The following MACROD2 variants were observed in gnomAD, a reference collection of about 807,000 sequenced individuals.
The protein encoded by MACROD2 is mono-ADP ribosylhydrolase 2, also known as ADP-ribose glycohydrolase MACROD2.
MACROD2 carries 36 observed loss-of-function variants against 70.4 expected under a neutral mutation model. That is an observed-to-expected ratio of 0.51 (90% CI 0.39 to 0.68). The LOEUF is 0.68. MACROD2 is among the 30% of genes least tolerant of loss of function. The pLI is 0.00. For synonymous variants in MACROD2, 172 were observed against 178.8 expected, an observed-to-expected ratio of 0.96 and a Z score of 0.30; for missense variants, 496 against 538.4, an observed-to-expected ratio of 0.92 and a Z score of 0.78.
At chr20:14,642,668 C>T (rs985539638) in intron 4 of MACROD2, among the ~76,000 whole-genome samples, 1 of 152,084 alleles carries the variant, frequency 6.6e-6, no homozygotes, top group Admixed American at 6.6e-5. Context: ...TGGGCAATTG[C>T]TGGTTGGTGG....
intron 5 of MACROD2, among the ~76,000 whole-genome samples, chr20:14,794,740 C>G (rs1329023864): frequency 6.6e-6 from 1 of 152,066 alleles, no homozygotes; most frequent in Non-Finnish European, 1.5e-5. Context: ...TTACTGGGGT[C>G]TTATAAGTGC....
At chr20:14,415,440 T>A (rs2083793428) in intron 3 of MACROD2, among the ~76,000 whole-genome samples, 1 of 152,212 alleles carries the variant, frequency 6.6e-6, no homozygotes, top group African/African-American at 2.4e-5. Flanking sequence ...ACCAACACCA[T>A]GCTGGGGTGT....
chr20:15,249,379 CTTTAAGG>C (rs1316078202), intron 6 of MACROD2, among the ~76,000 whole-genome samples: 1 of 152,196 alleles, frequency 6.6e-6, no homozygotes, highest in Non-Finnish European at 1.5e-5. Flanking sequence ...CTCCTTGAGA[CTTTAAGG>C]TTTTTAAAAT....
intron 3 of MACROD2, among the ~76,000 whole-genome samples, chr20:14,108,279 A>G (rs918056442): frequency 1.3e-5 from 2 of 152,168 alleles, no homozygotes; most frequent in Non-Finnish European, 2.9e-5. Flanking sequence ...ATAAAAAGCA[A>G]GAAATTAAAT....
At chr20:15,812,441 T>A (rs1262193781) in intron 8 of MACROD2, among the ~76,000 whole-genome samples, 1 of 152,058 alleles carries the variant, frequency 6.6e-6, no homozygotes, top group Non-Finnish European at 1.5e-5. Flanking sequence ...AGCTTTTGAC[T>A]ATGGAAGAAT....
chr20:15,862,586 A>G (rs1475708356), intron 8 of MACROD2, among the ~76,000 whole-genome samples, 159 bp from the exon 9 acceptor site: 1 of 152,114 alleles, frequency 6.6e-6, no homozygotes, highest in African/African-American at 2.4e-5. Flanking sequence ...ACATTCTTAC[A>G]CACATCCTTG....
Position 14,684,871 on chromosome 20 carries a change from C to T in MACROD2, c.330C>T (p.Gly110=). 2.5e-6 allele frequency: 4 copies of T among 1,614,002 alleles called. No homozygotes were observed. Among genetic ancestry groups the T allele is most frequent in the Non-Finnish European group, 3.4e-6 (4 of 1,179,918 alleles). The part of the protein sequence containing the change: ...GVDGCIHRAA[G]PCLLAECRNL... ...ATGGCTGTATTCATAGAGCAGCCGG[C>T]CCCTGTTTGCTAGCTGAATGTCGTA... Residue 110 remains glycine (G), a synonymous_variant, in exon 5 of 18, where the codon GGC becomes GGT. Transcript: ENST00000684519.
chr20:15,116,210 GTCCACTTATATGTGGACTTTC>G (rs1205175576), intron 5 of MACROD2, among the ~76,000 whole-genome samples: 1 of 152,132 alleles, frequency 6.6e-6, no homozygotes, highest in Admixed American at 6.5e-5. Flanking sequence ...CACTGTGTGT[GTCCACTTATATGTGGACTTTC>G]TCCTGCCTGT....
At chr20:14,536,184 C>A (rs1464554172) in intron 4 of MACROD2, among the ~76,000 whole-genome samples, 1 of 152,100 alleles carries the variant, frequency 6.6e-6, no homozygotes, top group Non-Finnish European at 1.5e-5. Flanking sequence ...TATATATATG[C>A]ACAACGTTGA....
chr20:15,062,046 C>T (rs573694214), intron 5 of MACROD2, among the ~76,000 whole-genome samples: 11 of 152,270 alleles, frequency 7.2e-5, no homozygotes, highest in Admixed American at 2.0e-4. Flanking sequence ...GATACTGCAG[C>T]CTTGGGCTTG....
chr20:15,190,298 G>C (rs1472255096), intron 5 of MACROD2, among the ~76,000 whole-genome samples: 1 of 152,074 alleles, frequency 6.6e-6, no homozygotes, highest in Admixed American at 6.6e-5. Flanking sequence ...GGAAAGGAGT[G>C]CTGGGTGATA....
At chr20:14,064,393 T>A (rs938348064) in intron 2 of MACROD2, among the ~76,000 whole-genome samples, 7 of 152,132 alleles carry the variant, frequency 4.6e-5, no homozygotes, top group Non-Finnish European at 1.0e-4. Context: ...ATGTAATGCC[T>A]CTCTACCTGA....
intron 3 of MACROD2, among the ~76,000 whole-genome samples, chr20:14,435,701 T>C (rs1419924463): frequency 7.1e-6 from 1 of 141,304 alleles, no homozygotes; most frequent in Non-Finnish European, 1.6e-5. Context: ...TTTCCTAAAG[T>C]TATAGAAGTC....
At chr20:15,942,297 G>A (rs1332701075) in intron 12 of MACROD2, among the ~76,000 whole-genome samples, 1 of 152,152 alleles carries the variant, frequency 6.6e-6, no homozygotes, top group Non-Finnish European at 1.5e-5. Flanking sequence ...AAAGCCATAG[G>A]GTGGGCAGGA....
chr20:15,394,413 C>T (rs1440370245), intron 6 of MACROD2, among the ~76,000 whole-genome samples: 2 of 152,108 alleles, frequency 1.3e-5, no homozygotes, highest in Non-Finnish European at 2.9e-5. Flanking sequence ...CTTTTTATGG[C>T]CTGCCAGCCT....
intron 3 of MACROD2, among the ~76,000 whole-genome samples, chr20:14,180,127 A>G (rs1010748804): frequency 2.6e-5 from 4 of 151,942 alleles, no homozygotes; most frequent in African/African-American, 7.3e-5. Context: ...TTCTATCTCT[A>G]TGGATCAAAT....
intron 4 of MACROD2, among the ~76,000 whole-genome samples, chr20:14,610,912 G>T (rs1489920740): frequency 6.6e-6 from 1 of 151,994 alleles, no homozygotes. Flanking sequence ...TCAAGCATTA[G>T]GTAATAAAGA....
At chr20:15,297,303 G>A (rs2077599474) in intron 6 of MACROD2, among the ~76,000 whole-genome samples, 1 of 152,148 alleles carries the variant, frequency 6.6e-6, no homozygotes, top group Admixed American at 6.5e-5. Flanking sequence ...TCAGGGCCCA[G>A]AATACCTGAG....
At chr20:14,197,552 G>T (rs2081442677) in intron 3 of MACROD2, among the ~76,000 whole-genome samples, 1 of 152,126 alleles carries the variant, frequency 6.6e-6, no homozygotes, top group African/African-American at 2.4e-5. Flanking sequence ...CAGATCACCT[G>T]AGGTTGGGAG....
Sources: gnomAD v4.1 joint callset for allele counts (sites outside exome capture counted in the v4.1 genomes callset) on GRCh38, gnomAD v4.1.1 for gene constraint, MANE v1.5 for transcripts, NCBI Gene and HGNC (gene_info 2026-07-23, HGNC 2026-07-21) for gene names.